The following RFX4 variants were observed in gnomAD, a reference collection of about 807,000 sequenced individuals.
RFX4 encodes regulatory factor X4, also known as transcription factor RFX4.
In RFX4, 10 loss-of-function variants were observed where a neutral mutation model predicts 95.0. The ratio of observed to expected loss-of-function variants is 0.11; its 90% CI spans 0.06 to 0.18. The LOEUF is 0.18. Ranked by LOEUF, RFX4 falls within the 10% of genes least tolerant of loss-of-function variation. The probability of loss-of-function intolerance (pLI) is 1.00; values close to 1 mark genes in which losing one functional copy is unlikely to be tolerated. For missense variants in RFX4, 640 were observed against 922.0 expected, an observed-to-expected ratio of 0.69 and a Z score of 3.96; for synonymous variants, 321 against 340.7, an observed-to-expected ratio of 0.94 and a Z score of 0.64.
rs528849316 is a variant in RFX4 at position 106,609,324 on chromosome 12, A to G, written c.130+441A>G. ...AGAAATTTCTTCCGGTTCTTGGACTAGAGAGCTAGAGTTAACTGAAAGATG... is the reference window on the plus strand; with the variant it reads ...AGAAATTTCTTCCGGTTCTTGGACTGGAGAGCTAGAGTTAACTGAAAGATG... On this transcript the variant is annotated intron_variant, in intron 2 of 17. Transcript: ENST00000392842. 1.1e-4 allele frequency among the ~76,000 whole-genome samples: 17 copies of G among 152,368 alleles called. No homozygotes were observed. In the South Asian group the frequency reaches 1.4e-3, roughly 13 times the overall value.
chr12:106,601,981 G>T (rs1455325293), intron 1 of RFX4, among the ~76,000 whole-genome samples: 1 of 152,168 alleles, frequency 6.6e-6, no homozygotes, highest in Non-Finnish European at 1.5e-5. Context: ...CTCCATGGAA[G>T]CTCTCCTCTC....
At chr12:106,621,148 A>G (rs2040178875) in intron 2 of RFX4, among the ~76,000 whole-genome samples, 1 of 152,238 alleles carries the variant, frequency 6.6e-6, no homozygotes, top group Admixed American at 6.5e-5. Context: ...GTACATCCTC[A>G]GCTTACGAAT....
At chr12:106,660,377 C>T (rs918262342) in intron 4 of RFX4, among the ~76,000 whole-genome samples, 10 of 151,808 alleles carry the variant, frequency 6.6e-5, no homozygotes, top group Admixed American at 5.9e-4. Context: ...CTGAGCATCC[C>T]CCTCTCTCAG....
At chr12:106,750,534 A>G in intron 16 of RFX4, 121 bp from the exon 17 acceptor site, 3 of 983,204 alleles carry the variant, frequency 3.1e-6, no homozygotes, top group Admixed American at 5.9e-5. Flanking sequence ...TGAAGGGGGG[A>G]AGAAAAGAAA....
intron 4 of RFX4, among the ~76,000 whole-genome samples, chr12:106,669,273 A>G (rs1223641996): frequency 2.0e-5 from 3 of 152,206 alleles, no homozygotes; most frequent in Non-Finnish European, 4.4e-5. Context: ...AGTGTGGAAG[A>G]GACACCAGTA....
Position 106,654,354 on chromosome 12 carries a change from G to A in RFX4, c.315+3G>A, listed in dbSNP as rs765759946. 11 of 1,613,614 alleles carry A rather than the reference G, an allele frequency of 6.8e-6. No homozygotes were observed. Among genetic ancestry groups the A allele is most frequent in the Non-Finnish European group, 7.6e-6 (9 of 1,179,856 alleles). On this transcript the variant is annotated splice_donor_region_variant and intron_variant, in intron 4 of 17. Coordinates refer to ENST00000392842, the MANE Select transcript of RFX4 (RefSeq NM_213594.3). ...TCAATGCTGCCAGCTTTGGAAAGGT[G>A]AGTCCAGCCTCATCAGGCTTGTCCT... is the stretch of plus-strand genomic sequence containing the variant.
rs186104258 is a variant in RFX4 at position 106,681,788 on chromosome 12, C to A, written c.316-205C>A. On this transcript the variant is annotated intron_variant, in intron 4 of 17. Transcript: ENST00000392842. ...AGCATAGAGTGGCCAAGTGAGACCC[C>A]CTTAGTATCCAGAGCCCCACAACCA... 4.6e-5 allele frequency among the ~76,000 whole-genome samples: 7 copies of A among 152,182 alleles called. No individual in the cohort carries two copies. In the South Asian group the frequency reaches 1.0e-3, roughly 23 times the overall value.
At chr12:106,695,506 G>A (rs545884217) in intron 7 of RFX4, among the ~76,000 whole-genome samples, 48 of 152,106 alleles carry the variant, frequency 3.2e-4, no homozygotes, top group Non-Finnish European at 5.6e-4. Flanking sequence ...TCTGCCCTTC[G>A]TTCAGTAACA....
chr12:106,717,294 A>G (rs141873973), intron 11 of RFX4, among the ~76,000 whole-genome samples: 1 of 152,334 alleles, frequency 6.6e-6, no homozygotes, highest in East Asian at 1.9e-4. Flanking sequence ...AAATCTTCCT[A>G]GCAGTGTTAG....
chr12:106,687,082 C>A lies in RFX4; in HGVS notation c.576C>A (p.Ser192Arg), dbSNP rs1405296144. The change falls in exon 6 of 18, where the codon AGC (serine) becomes AGA (arginine). Residue 192 changes from serine (S) to arginine (R), a missense_variant. By Grantham distance (110) the Ser-to-Arg change is moderately radical. This residue lies in a region of RFX4 where 89 missense variants were observed against 173.8 expected (regional missense o/e 0.51). Coordinates refer to ENST00000392842, the MANE Select transcript of RFX4 (RefSeq NM_213594.3). ...PNVKDLNLPA[S>R]LPEEKVSTFI... ...TCAAAGATCTAAATCTGCCAGCCAGCCTGCCTGAGGAGAAGGTAACTACAA... is the reference window on the plus strand; with the variant it reads ...TCAAAGATCTAAATCTGCCAGCCAGACTGCCTGAGGAGAAGGTAACTACAA... 2 of 1,613,360 alleles carry A rather than the reference C, an allele frequency of 1.2e-6. No individual in the cohort carries two copies. Among genetic ancestry groups the A allele is most frequent in the Non-Finnish European group, 1.7e-6 (2 of 1,179,848 alleles).
chr12:106,731,865 G>T (rs1476184845), intron 13 of RFX4, among the ~76,000 whole-genome samples: 1 of 149,456 alleles, frequency 6.7e-6, no homozygotes, highest in Non-Finnish European at 1.5e-5. Context: ...ATTTTTGATG[G>T]TGTCATACTG....
chr12:106,743,159 A>T (rs1231010035), intron 15 of RFX4, among the ~76,000 whole-genome samples: 2 of 152,164 alleles, frequency 1.3e-5, no homozygotes, highest in Non-Finnish European at 2.9e-5. Flanking sequence ...TCAGACCTTT[A>T]AATAAATAGA....
chr12:106,657,971 CACCT>C (rs1048421968), intron 4 of RFX4, among the ~76,000 whole-genome samples: 24 of 152,202 alleles, frequency 1.6e-4, no homozygotes, highest in African/African-American at 5.5e-4. Flanking sequence ...TCTATGTATA[CACCT>C]ACCATGTGAG....
At chr12:106,746,355 CAAAAAAAAAA>C in intron 15 of RFX4, among the ~76,000 whole-genome samples, 1 of 67,294 alleles carries the variant, frequency 1.5e-5, no homozygotes, top group African/African-American at 4.8e-5. Context: ...GACTCCATCT[CAAAAAAAAAA>C]AAAAAAAAAA....
intron 2 of RFX4, among the ~76,000 whole-genome samples, chr12:106,610,620 C>T (rs919876796): frequency 3.3e-5 from 5 of 152,146 alleles, no homozygotes; most frequent in Non-Finnish European, 2.9e-5. Context: ...AAGGTTAATC[C>T]ATGTTGTAGC....
At chr12:106,650,715 G>A (rs752853882) in intron 3 of RFX4, among the ~76,000 whole-genome samples, 15 of 151,698 alleles carry the variant, frequency 9.9e-5, no homozygotes, top group African/African-American at 3.6e-4. Context: ...GTGACAGAGC[G>A]AAACTCTGTC....
intron 3 of RFX4, among the ~76,000 whole-genome samples, 154 bp from the exon 4 acceptor site, chr12:106,654,074 C>T (rs1029358278): frequency 2.0e-5 from 3 of 152,206 alleles, no homozygotes; most frequent in Non-Finnish European, 4.4e-5. Flanking sequence ...TGACCTTGGG[C>T]AGCTTGCTTT....
At chr12:106,596,360 T>C (rs2039620008) in intron 1 of RFX4, among the ~76,000 whole-genome samples, 1 of 152,232 alleles carries the variant, frequency 6.6e-6, no homozygotes, top group African/African-American at 2.4e-5. Context: ...TCCACCATGA[T>C]TGTGAGGCCT....
At chr12:106,749,515 G>A (rs111720347) in intron 16 of RFX4, among the ~76,000 whole-genome samples, 1 of 152,136 alleles carries the variant, frequency 6.6e-6, no homozygotes, top group African/African-American at 2.4e-5. Flanking sequence ...TATTTTCTCA[G>A]GGGGCCTTTG....
Sources: allele counts gnomAD v4.1 joint callset (sites outside exome capture counted in the v4.1 genomes callset), GRCh38; gene constraint gnomAD v4.1.1; regional missense constraint gnomAD v4.1.1; transcripts MANE v1.5; gene names NCBI Gene and HGNC (gene_info 2026-07-23, HGNC 2026-07-21).